SERPINB5: variants seen among roughly 807,000 people sequenced by gnomAD.
The protein encoded by SERPINB5 is serpin family B member 5, also known as serpin B5.
Under a neutral mutation model 32.2 loss-of-function variants are expected in SERPINB5, and 27 were observed. The observed-to-expected ratio is 0.84, with a 90% CI of 0.62 to 1.16. SERPINB5 has a LOEUF of 1.16. SERPINB5 is among the 50% of genes most tolerant of loss of function. SERPINB5 has a pLI of 0.00. For missense variants in SERPINB5, 388 were observed against 436.3 expected, an observed-to-expected ratio of 0.89 and a Z score of 0.99; for synonymous variants, 154 against 157.4, an observed-to-expected ratio of 0.98 and a Z score of 0.16.
At chr18:63,487,369 T>C (rs1476386440) in intron 3 of SERPINB5, among the ~76,000 whole-genome samples, 1 of 151,914 alleles carries the variant, frequency 6.6e-6, no homozygotes, top group Non-Finnish European at 1.5e-5. Context: ...GAGAACAGAG[T>C]AATTAACTCT....
intron 5 of SERPINB5, chr18:63,496,859 A>AGATC: frequency 3.8e-6 from 1 of 262,820 alleles, no homozygotes; most frequent in South Asian, 4.1e-5. Flanking sequence ...CCAGGTGTTA[A>AGATC]TAGGAGCAAA....
intron 4 of SERPINB5, chr18:63,490,494 GGAGGCC>G (rs1418953071): frequency 6.6e-6 from 1 of 152,178 alleles, no homozygotes; most frequent in African/African-American, 2.4e-5. Context: ...GGACCCGTTG[GGAGGCC>G]GGGCCGAATC....
intron 3 of SERPINB5, among the ~76,000 whole-genome samples, chr18:63,488,686 G>T (rs1342162056): frequency 6.6e-6 from 1 of 152,116 alleles, no homozygotes; most frequent in Non-Finnish European, 1.5e-5. Context: ...TTAAACCCAG[G>T]TAGTTCTGAT....
chr18:63,500,001 T>C (rs936510110), intron 6 of SERPINB5, among the ~76,000 whole-genome samples: 39 of 29,706 alleles, frequency 1.3e-3, no homozygotes, highest in African/African-American at 3.0e-3. Flanking sequence ...ATATTACTAT[T>C]ATTATTATTA....
intron 5 of SERPINB5, among the ~76,000 whole-genome samples, chr18:63,496,635 T>C (rs919516773): frequency 6.6e-6 from 1 of 152,204 alleles, no homozygotes; most frequent in African/African-American, 2.4e-5. Flanking sequence ...AGCTTAGTAT[T>C]TGAAGATACC....
At position 63,484,741 on chromosome 18, in the gene SERPINB5, C is replaced by CTTTTTTT. The variant is rs869236018; in HGVS notation, c.168+161_168+167dup. 5.9e-3 allele frequency: 637 copies of CTTTTTTT among 108,108 alleles called. 32 individuals carry two copies. The highest frequency in any genetic ancestry group is 0.011 in the African/African-American group (249 of 23,046). 6.7% of individuals were successfully genotyped at this position (108,108 alleles called of 1,614,324 possible). A position where few individuals can be genotyped will look rare whatever the true frequency, so the allele number is the denominator to read the frequency against. Reference sequence around the variant, plus strand: ...TGTGCCATTCCAGGACTCTCTTAATCTTTTTTTTTTTTTTTTTTTTTTGTG... The same window carrying CTTTTTTT: ...TGTGCCATTCCAGGACTCTCTTAATCTTTTTTTTTTTTTTTTTTTTTTTTTTTTTGTG... On this transcript the variant is annotated intron_variant, in intron 2 of 6. Transcript: ENST00000382771.
chr18:63,484,748 T>A (rs1249991833), intron 2 of SERPINB5, 152 bp downstream of exon 2: 111 of 514,726 alleles, frequency 2.2e-4, no homozygotes, highest in African/African-American at 2.0e-3. Context: ...AATCTTTTTT[T>A]TTTTTTTTTT....
chr18:63,501,311 G>A (rs1909567565), intron 6 of SERPINB5, among the ~76,000 whole-genome samples: 1 of 150,990 alleles, frequency 6.6e-6, no homozygotes, highest in Non-Finnish European at 1.5e-5. Context: ...TGTTGTCCTT[G>A]TGATAGTTTG....
intron 2 of SERPINB5, 145 bp downstream of exon 2, chr18:63,484,741 C>CATTTTTTTT: frequency 2.9e-5 from 3 of 105,244 alleles, no homozygotes; most frequent in Non-Finnish European, 5.1e-5. Context: ...CTCTCTTAAT[C>CATTTTTTTT]TTTTTTTTTT....
In SERPINB5 at chr18:63,503,409, C is replaced by G. The variant is rs142654718; in HGVS notation, c.815C>G (p.Ser272Cys). The G allele has an allele frequency of 6.2e-7, 1 of 1,614,238 alleles. No individual in the cohort carries two copies. The highest frequency in any genetic ancestry group is 1.7e-5 in the Admixed American group (1 of 60,032). ...ATGGCCAATGCCAAGGTCAAACTCT[C>G]CATTCCAAAATTTAAGGTGGAAAAG... ...STMANAKVKL[S>C]IPKFKVEKMI... The change falls in exon 7 of 7, where the codon TCC (serine) becomes TGC (cysteine). Residue 272 changes from serine to cysteine, a missense_variant. Transcript: ENST00000382771.
intron 5 of SERPINB5, among the ~76,000 whole-genome samples, chr18:63,494,379 T>C (rs7236524): frequency 0.72 from 106,186 of 147,284 alleles, 38,459 homozygotes; most frequent in African/African-American, 0.83. Context: ...GTAAATGAGA[T>C]CAAGGAACTG....
intron 5 of SERPINB5, chr18:63,496,898 A>T (rs1909457910): frequency 3.0e-6 from 1 of 329,160 alleles, no homozygotes; most frequent in Non-Finnish European, 6.0e-6. Flanking sequence ...CAGTGCTTGG[A>T]CATAAAAGAC....
At chr18:63,502,309 G>C (rs940584859) in intron 6 of SERPINB5, among the ~76,000 whole-genome samples, 6 of 151,892 alleles carry the variant, frequency 4.0e-5, no homozygotes, top group Non-Finnish European at 8.8e-5. Context: ...CTAATTTTTT[G>C]TATTTTTAGT....
At chr18:63,484,273 A>T (rs1917170312) in intron 1 of SERPINB5, 149 bp from the exon 2 acceptor site, 3 of 809,176 alleles carry the variant, frequency 3.7e-6, no homozygotes, top group Non-Finnish European at 5.6e-6. Flanking sequence ...TTCACAACTG[A>T]TCTTACTTTT....
At chr18:63,480,032 G>A (rs1482187849) in intron 1 of SERPINB5, among the ~76,000 whole-genome samples, 3 of 152,292 alleles carry the variant, frequency 2.0e-5, no homozygotes, top group African/African-American at 7.2e-5. Flanking sequence ...CAGGCTGGGA[G>A]CTAGAAGCAA....
At chr18:63,494,799 A>G (rs1235686097) in intron 5 of SERPINB5, among the ~76,000 whole-genome samples, 1 of 152,174 alleles carries the variant, frequency 6.6e-6, no homozygotes, top group Admixed American at 6.5e-5. Flanking sequence ...GTTTACTTAC[A>G]TAGATCCCCT....
chr18:63,492,328 C>G (rs1367102718), intron 4 of SERPINB5, among the ~76,000 whole-genome samples: 1 of 152,166 alleles, frequency 6.6e-6, no homozygotes, highest in African/African-American at 2.4e-5. Flanking sequence ...AAGGGGACAA[C>G]CTTCAGACAT....
intron 1 of SERPINB5, among the ~76,000 whole-genome samples, chr18:63,482,697 T>C (rs1389567508): frequency 4.7e-5 from 7 of 150,398 alleles, no homozygotes; most frequent in Non-Finnish European, 1.0e-4. Context: ...CCTGTTACAC[T>C]CTTAAAAATT....
At chr18:63,500,784 T>G (rs1169299517) in intron 6 of SERPINB5, among the ~76,000 whole-genome samples, 1 of 152,170 alleles carries the variant, frequency 6.6e-6, no homozygotes, top group Admixed American at 6.6e-5. Flanking sequence ...TTGCTGACTT[T>G]CCAGGGGACC....
Sources: allele counts gnomAD v4.1 joint callset (sites outside exome capture counted in the v4.1 genomes callset), GRCh38; gene constraint gnomAD v4.1.1; transcripts MANE v1.5; gene names NCBI Gene and HGNC (gene_info 2026-07-23, HGNC 2026-07-21).